SRGAP3: variants seen among roughly 807,000 people sequenced by gnomAD.
SRGAP3 encodes SLIT-ROBO Rho GTPase-activating protein 3.
In SRGAP3, 39 loss-of-function variants were observed where a neutral mutation model predicts 121.1. The ratio of observed to expected loss-of-function variants is 0.32; its 90% confidence interval spans 0.25 to 0.42. The LOEUF is 0.42. Ranked by LOEUF, SRGAP3 falls within the 10% of genes least tolerant of loss-of-function variation. The probability of loss-of-function intolerance (pLI) is 1.00; values close to 1 mark genes in which losing one functional copy is unlikely to be tolerated. For missense variants in SRGAP3, 1,213 were observed against 1,470.6 expected (o/e 0.82, Z 2.86); for synonymous variants, 601 against 570.0 (o/e 1.05, Z -0.77).
chr3:9,104,794 C>T lies in SRGAP3; in HGVS notation c.309G>A (p.Leu103=). 1 of 1,614,258 alleles carries T rather than the reference C, an allele frequency of 6.2e-7. No individual in the cohort carries two copies. Among genetic ancestry groups the T allele is most frequent in the South Asian group, 1.1e-5 (1 of 91,092 alleles). The stretch of plus-strand genomic sequence containing the variant: ...CTCGGCTCTCCCGCCGGGTCTGATG[C>T]AGAACCAGATACCAACAGTTCACAG... ...LSPVNCWYLV[L]HQTRRESRDH... The change falls in exon 3 of 22, where the codon CTG becomes CTA. Residue 103 remains leucine (L), a synonymous_variant. Coordinates refer to ENST00000383836, the MANE Select transcript of SRGAP3 (RefSeq NM_014850.4).
chr3:9,313,778 T>G (rs1174586356), intron 3 of SRGAP3, among the ~76,000 whole-genome samples: 3 of 152,148 alleles, frequency 2.0e-5, no homozygotes, highest in Admixed American at 6.5e-5. Flanking sequence ...ACAGATCACC[T>G]GAGATCAGGA....
chr3:9,202,664 AC>A (rs552522876), intron 1 of SRGAP3, among the ~76,000 whole-genome samples: 5 of 152,128 alleles, frequency 3.3e-5, no homozygotes, highest in African/African-American at 9.6e-5. Context: ...CCCCCTGGAA[AC>A]CCTCTGTCCA....
At chr3:9,155,247 G>A (rs997313746) in intron 1 of SRGAP3, among the ~76,000 whole-genome samples, 1 of 152,108 alleles carries the variant, frequency 6.6e-6, no homozygotes, top group Admixed American at 6.5e-5. Flanking sequence ...TTTGGCAGCT[G>A]GCTGTTGCTG....
chr3:9,026,179 C>A (rs150966887), intron 13 of SRGAP3, among the ~76,000 whole-genome samples: 3 of 152,192 alleles, frequency 2.0e-5, no homozygotes, highest in African/African-American at 2.4e-5. Flanking sequence ...TCAAACATCA[C>A]CCCCTCGGAG....
intron 1 of SRGAP3, among the ~76,000 whole-genome samples, chr3:9,240,492 C>G (rs907874810): frequency 6.6e-5 from 10 of 152,174 alleles, no homozygotes; most frequent in African/African-American, 2.4e-4. Context: ...ACCCTTGCCT[C>G]ATCTTTCTTT....
rs986929474 is a variant in SRGAP3, at chr3:9,249,206, G to C, written c.-255C>G. The C allele has an allele frequency of 4.8e-5, 27 of 565,020 alleles. No individual in the cohort carries two copies. The highest frequency in any genetic ancestry group is 6.3e-5 in the Non-Finnish European group (20 of 316,188). 35.0% of individuals were successfully genotyped at this position (565,020 alleles called of 1,614,324 possible). A position where few individuals can be genotyped will look rare whatever the true frequency, so the allele number is the denominator to read the frequency against. On this transcript the variant is annotated 5_prime_UTR_variant, in exon 1 of 22. Transcript: ENST00000383836. ...TCTTGCAAAAGAAGAATCACCCTAGGAGCACAGTAACCTGCCCCAGATTTT... is the reference window on the plus strand; with the variant it reads ...TCTTGCAAAAGAAGAATCACCCTAGCAGCACAGTAACCTGCCCCAGATTTT...
chr3:9,152,360 C>G (rs550341025), intron 1 of SRGAP3, among the ~76,000 whole-genome samples: 3 of 152,228 alleles, frequency 2.0e-5, no homozygotes, highest in African/African-American at 4.8e-5. Flanking sequence ...GGTGTCCACT[C>G]ATAGGCTGGC....
rs771379801 is a variant in SRGAP3 at position 9,013,835 on chromosome 3, C to A, written c.1821G>T (p.Glu607Asp). Reference protein sequence around the residue: ...FQDLISTIKLENPAERVHQIQ... With the variant: ...FQDLISTIKLDNPAERVHQIQ... The stretch of plus-strand genomic sequence containing the variant: ...TCTGGTGCACCCTCTCGGCTGGGTT[C>A]TCCAGTTCTGTAACATAAAGGGGCC... Residue 607 changes from glutamate to aspartate, a missense_variant, in exon 16 of 22, where the codon GAG becomes GAT. Transcript: ENST00000383836. 6.2e-7 allele frequency: 1 copy of A among 1,614,166 alleles called. No individual in the cohort carries two copies.
intron 1 of SRGAP3, among the ~76,000 whole-genome samples, chr3:9,185,537 C>A (rs1951569086): frequency 6.9e-6 from 1 of 145,132 alleles, no homozygotes; most frequent in Non-Finnish European, 1.5e-5. Flanking sequence ...TTCCTTATTT[C>A]TTTTTTTTTT....
chr3:9,002,795 A>C (rs1942843868), intron 18 of SRGAP3, among the ~76,000 whole-genome samples: 2 of 152,172 alleles, frequency 1.3e-5, no homozygotes, highest in African/African-American at 4.8e-5. Context: ...AAGGATCATA[A>C]AGAAGTACTA....
intron 2 of SRGAP3, among the ~76,000 whole-genome samples, chr3:9,326,374 T>C (rs573395004): frequency 4.6e-5 from 7 of 152,082 alleles, no homozygotes; most frequent in Non-Finnish European, 1.0e-4. Context: ...TACTCAAATG[T>C]ACCTAAAGTT....
intron 1 of SRGAP3, among the ~76,000 whole-genome samples, chr3:9,179,540 G>A (rs1183846636): frequency 2.6e-5 from 4 of 152,212 alleles, no homozygotes; most frequent in African/African-American, 9.7e-5. Context: ...ATGGATGCCT[G>A]GTGGCTATAG....
intron 18 of SRGAP3, 148 bp downstream of exon 18, chr3:9,010,160 T>C (rs1373137874): frequency 2.1e-6 from 2 of 943,948 alleles, no homozygotes; most frequent in African/African-American, 1.6e-5. Flanking sequence ...ATGAAGGTTT[T>C]TCGGGGTCTT....
chr3:9,341,291 A>G (rs1220545101), intron 1 of SRGAP3, among the ~76,000 whole-genome samples: 2 of 152,140 alleles, frequency 1.3e-5, no homozygotes, highest in Non-Finnish European at 2.9e-5. Flanking sequence ...GAAGGTTCCT[A>G]GAACAGTTGC....
At chr3:9,231,941 G>A (rs905253455) in intron 1 of SRGAP3, among the ~76,000 whole-genome samples, 5 of 152,066 alleles carry the variant, frequency 3.3e-5, no homozygotes, top group African/African-American at 7.2e-5. Context: ...ATGGAAAATC[G>A]GGTCTTATGA....
At chr3:9,110,280 G>A (rs1045287195) in intron 2 of SRGAP3, among the ~76,000 whole-genome samples, 1 of 150,738 alleles carries the variant, frequency 6.6e-6, no homozygotes, top group Non-Finnish European at 1.5e-5. Context: ...AGATGAAGAG[G>A]AGCAGGTCAA....
chr3:9,317,134 G>A (rs1955361647), intron 3 of SRGAP3, among the ~76,000 whole-genome samples: 1 of 152,202 alleles, frequency 6.6e-6, no homozygotes, highest in Admixed American at 6.5e-5. Flanking sequence ...TCTTCCGAGA[G>A]CCTGGGGAGC....
At chr3:9,306,388 C>T (rs1955162395) in intron 3 of SRGAP3, among the ~76,000 whole-genome samples, 2 of 152,142 alleles carry the variant, frequency 1.3e-5, no homozygotes, top group South Asian at 4.1e-4. Flanking sequence ...ATGGTACTTT[C>T]TTTTGCCATG....
intron 18 of SRGAP3, among the ~76,000 whole-genome samples, chr3:9,000,137 G>T (rs1269181866): frequency 6.6e-6 from 1 of 152,170 alleles, no homozygotes; most frequent in Non-Finnish European, 1.5e-5. Context: ...CTTTCTTCCT[G>T]GAAGGAGCAG....
Sources: gnomAD v4.1 joint callset for allele counts (sites outside exome capture counted in the v4.1 genomes callset) on GRCh38, gnomAD v4.1.1 for gene constraint, MANE v1.5 for transcripts, NCBI Gene and HGNC (gene_info 2026-07-23, HGNC 2026-07-21) for gene names.